ADAM22: variants seen among roughly 807,000 people sequenced by gnomAD.
ADAM22 encodes the protein ADAM metallopeptidase domain 22.
Under a neutral mutation model 144.6 loss-of-function variants are expected in ADAM22, and 65 were observed. The observed-to-expected ratio is 0.45, with a 90% CI of 0.37 to 0.55. The LOEUF is 0.55. ADAM22 is among the 20% of genes least tolerant of loss of function. The pLI is 0.00. For synonymous variants in ADAM22, 391 were observed against 412.6 expected (o/e 0.95, Z 0.63); for missense variants, 974 against 1,184.9 (o/e 0.82, Z 2.61).
intron 23 of ADAM22, among the ~76,000 whole-genome samples, chr7:88,164,717 C>CTTG (rs1842561109): frequency 6.6e-6 from 1 of 152,042 alleles, no homozygotes; most frequent in African/African-American, 2.4e-5. Flanking sequence ...TTGTAAAACA[C>CTTG]TTAAAACAAG....
At chr7:88,191,880 A>G (rs1849695161) in intron 30 of ADAM22, among the ~76,000 whole-genome samples, 1 of 152,216 alleles carries the variant, frequency 6.6e-6, no homozygotes, top group South Asian at 2.1e-4. Flanking sequence ...CACTACTACT[A>G]TCTTAGGGTG....
At chr7:88,010,159 C>G (rs1314740391) in intron 3 of ADAM22, among the ~76,000 whole-genome samples, 1 of 152,068 alleles carries the variant, frequency 6.6e-6, no homozygotes, top group Non-Finnish European at 1.5e-5. Flanking sequence ...CTATGTTTCA[C>G]TTGGAACAGA....
chr7:88,073,946 G>A (rs997661566), intron 3 of ADAM22, among the ~76,000 whole-genome samples: 1 of 152,322 alleles, frequency 6.6e-6, no homozygotes, highest in South Asian at 2.1e-4. Flanking sequence ...ATAACAAATG[G>A]AGCAGGAAAG....
intron 3 of ADAM22, among the ~76,000 whole-genome samples, chr7:88,050,484 CAA>C (rs111631002): frequency 7.7e-5 from 9 of 117,292 alleles, no homozygotes; most frequent in Non-Finnish European, 8.9e-5. Flanking sequence ...CAGGATAACT[CAA>C]AAAAAAAAAA....
At chr7:88,158,902 C>G (rs1338980190) in intron 22 of ADAM22, among the ~76,000 whole-genome samples, 1 of 151,618 alleles carries the variant, frequency 6.6e-6, no homozygotes, top group Non-Finnish European at 1.5e-5. Context: ...AAGAAATAAC[C>G]AAAATCAGAG....
chr7:88,035,016 G>A (rs1801174941), intron 3 of ADAM22, among the ~76,000 whole-genome samples: 1 of 152,148 alleles, frequency 6.6e-6, no homozygotes, highest in Non-Finnish European at 1.5e-5. Context: ...TTATGTAAGT[G>A]TTTTTCTGTG....
At chr7:87,953,845 A>G (rs1346572103) in intron 2 of ADAM22, among the ~76,000 whole-genome samples, 1 of 152,136 alleles carries the variant, frequency 6.6e-6, no homozygotes, top group Non-Finnish European at 1.5e-5. Flanking sequence ...GTGCATATAT[A>G]TTTAGGATAG....
At chr7:88,038,009 C>T (rs999209741) in intron 3 of ADAM22, among the ~76,000 whole-genome samples, 1 of 152,118 alleles carries the variant, frequency 6.6e-6, no homozygotes. Flanking sequence ...AGTGATATAT[C>T]TCAGCCAGCA....
At chr7:88,093,342 C>T (rs1820436035) in intron 4 of ADAM22, among the ~76,000 whole-genome samples, 1 of 151,142 alleles carries the variant, frequency 6.6e-6, no homozygotes, top group Non-Finnish European at 1.5e-5. Flanking sequence ...AATTATTTTC[C>T]TATTCATTAA....
At chr7:88,151,776 C>A (rs1225080320) in intron 20 of ADAM22, among the ~76,000 whole-genome samples, 1 of 152,092 alleles carries the variant, frequency 6.6e-6, no homozygotes, top group Non-Finnish European at 1.5e-5. Flanking sequence ...TTCTTAAACT[C>A]TAGTTGGCTT....
intron 2 of ADAM22, among the ~76,000 whole-genome samples, chr7:87,970,161 T>A (rs932909381): frequency 2.0e-5 from 3 of 152,158 alleles, no homozygotes; most frequent in Non-Finnish European, 4.4e-5. Flanking sequence ...TTGCAGCTCT[T>A]TTGCCAGAAG....
intron 3 of ADAM22, among the ~76,000 whole-genome samples, chr7:88,070,685 A>T (rs1812513082): frequency 6.6e-6 from 1 of 152,038 alleles, no homozygotes; most frequent in South Asian, 2.1e-4. Flanking sequence ...TGTTACTAGG[A>T]TACATTTTGA....
intron 3 of ADAM22, among the ~76,000 whole-genome samples, chr7:88,022,048 TTTTTTA>T (rs1383389593): frequency 6.6e-6 from 1 of 151,664 alleles, no homozygotes; most frequent in Non-Finnish European, 1.5e-5. Context: ...AATTAAAAAA[TTTTTTA>T]TTTTTATTTT....
chr7:88,108,757 GA>G (rs1825217777), intron 5 of ADAM22, among the ~76,000 whole-genome samples: 2 of 150,982 alleles, frequency 1.3e-5, no homozygotes, highest in Non-Finnish European at 3.0e-5. Flanking sequence ...AAGAAAGAAA[GA>G]AAGAAAAGTC....
At chr7:88,067,936 CATCCAAAA>C (rs1811711493) in intron 3 of ADAM22, among the ~76,000 whole-genome samples, 1 of 152,106 alleles carries the variant, frequency 6.6e-6, no homozygotes, top group African/African-American at 2.4e-5. Flanking sequence ...GTGAAACTTT[CATCCAAAA>C]ATCAGATATT....
At chr7:88,147,622 T>C (rs1390038581) in intron 17 of ADAM22, among the ~76,000 whole-genome samples, 1 of 152,226 alleles carries the variant, frequency 6.6e-6, no homozygotes, top group East Asian at 1.9e-4. Flanking sequence ...TTTACTTGTT[T>C]ATTACTTTTC....
chr7:88,095,424 G>A (rs939585938), intron 4 of ADAM22, among the ~76,000 whole-genome samples: 2 of 152,158 alleles, frequency 1.3e-5, no homozygotes, highest in African/African-American at 2.4e-5. Flanking sequence ...CCAACAGTAT[G>A]TCAGATGTGT....
At chr7:88,170,509 G>C (rs1293819180) in intron 25 of ADAM22, among the ~76,000 whole-genome samples, 2 of 151,628 alleles carry the variant, frequency 1.3e-5, no homozygotes, top group South Asian at 2.1e-4. Flanking sequence ...CAGGAAATCA[G>C]ATTGAAGGAA....
chr7:88,141,469 G>A (rs1834612858), intron 14 of ADAM22, among the ~76,000 whole-genome samples: 1 of 152,188 alleles, frequency 6.6e-6, no homozygotes, highest in East Asian at 1.9e-4. Context: ...AAGAAGTAGG[G>A]ATATAAATGG....
Sources: gnomAD v4.1 joint callset for allele counts (sites outside exome capture counted in the v4.1 genomes callset) on GRCh38, gnomAD v4.1.1 for gene constraint, MANE v1.5 for transcripts, NCBI Gene and HGNC (gene_info 2026-07-23, HGNC 2026-07-21) for gene names.